The following LCLAT1 variants were observed in gnomAD, a reference collection of about 807,000 sequenced individuals.
LCLAT1 encodes 1-AGP acyltransferase 8.
A neutral mutation model predicts 30.7 loss-of-function variants in LCLAT1; 11 were observed. The ratio of observed to expected loss-of-function variants is 0.36; its 90% CI spans 0.23 to 0.59. The LOEUF (loss-of-function observed/expected upper bound fraction) is 0.59. Among genes scored for constraint, LCLAT1 ranks in the 20% least tolerant of loss-of-function variants. The probability of loss-of-function intolerance (pLI) is 0.77; values close to 1 mark genes in which losing one functional copy is unlikely to be tolerated. For synonymous variants in LCLAT1, 155 were observed against 151.3 expected, an observed-to-expected ratio of 1.02 and a Z score of -0.18; for missense variants, 402 against 458.6, an observed-to-expected ratio of 0.88 and a Z score of 1.13.
At chr2:30,476,878 C>G (rs2148301524) in intron 1 of LCLAT1, among the ~76,000 whole-genome samples, 1 of 152,250 alleles carries the variant, frequency 6.6e-6, no homozygotes, top group East Asian at 1.9e-4. Context: ...GCTCAAATTA[C>G]TTTTGGATAC....
At chr2:30,536,907 T>G (rs1333044982) in intron 3 of LCLAT1, among the ~76,000 whole-genome samples, 1 of 152,176 alleles carries the variant, frequency 6.6e-6, no homozygotes, top group Non-Finnish European at 1.5e-5. Context: ...ATTTAAAAAA[T>G]ATAGACTGGC....
intron 5 of LCLAT1, among the ~76,000 whole-genome samples, chr2:30,623,805 A>T (rs1035797745): frequency 5.3e-5 from 8 of 152,244 alleles, no homozygotes; most frequent in Admixed American, 5.2e-4. Context: ...CTAGGCACAT[A>T]GTCATCAGGT....
intron 5 of LCLAT1, among the ~76,000 whole-genome samples, chr2:30,588,010 T>C (rs1666517692): frequency 6.6e-6 from 1 of 152,228 alleles, no homozygotes; most frequent in Non-Finnish European, 1.5e-5. Context: ...TCTCCCCAAA[T>C]GTCCAACAAT....
At chr2:30,622,500 C>CA (rs977833749) in intron 5 of LCLAT1, among the ~76,000 whole-genome samples, 7 of 152,154 alleles carry the variant, frequency 4.6e-5, no homozygotes, top group Non-Finnish European at 8.8e-5. Flanking sequence ...TCAGCCAACA[C>CA]AAAAAACAGC....
intron 1 of LCLAT1, among the ~76,000 whole-genome samples, chr2:30,519,381 C>T (rs1685359378): frequency 6.6e-6 from 1 of 152,166 alleles, no homozygotes. Flanking sequence ...CAAAGGCTCC[C>T]CTACCGAGGA....
intron 1 of LCLAT1, among the ~76,000 whole-genome samples, chr2:30,464,110 C>T (rs1203084356): frequency 1.3e-5 from 2 of 152,086 alleles, no homozygotes; most frequent in South Asian, 2.1e-4. Flanking sequence ...TTTTCCTATG[C>T]CCTCACTTTG....
intron 5 of LCLAT1, among the ~76,000 whole-genome samples, chr2:30,580,831 G>A (rs1051540585): frequency 2.6e-5 from 4 of 152,128 alleles, no homozygotes; most frequent in African/African-American, 9.7e-5. Flanking sequence ...TGAGTAAATC[G>A]TTCCCTTCTT....
At chr2:30,623,341 A>C (rs1372277854) in intron 5 of LCLAT1, among the ~76,000 whole-genome samples, 1 of 152,164 alleles carries the variant, frequency 6.6e-6, no homozygotes, top group African/African-American at 2.4e-5. Flanking sequence ...GGCATGAGCC[A>C]CCACACCTGG....
intron 1 of LCLAT1, among the ~76,000 whole-genome samples, chr2:30,514,858 A>G (rs1427164182): frequency 1.3e-5 from 2 of 152,154 alleles, no homozygotes; most frequent in Non-Finnish European, 2.9e-5. Flanking sequence ...ATGTTTATAT[A>G]CATTTCACTT....
chr2:30,560,222 C>T (rs1665131187), intron 3 of LCLAT1, among the ~76,000 whole-genome samples: 1 of 150,066 alleles, frequency 6.7e-6, no homozygotes, highest in Admixed American at 6.7e-5. Flanking sequence ...TTTGTATATG[C>T]TTATTTATAT....
At chr2:30,636,034 G>T (rs1399267921) in intron 5 of LCLAT1, among the ~76,000 whole-genome samples, 1 of 152,156 alleles carries the variant, frequency 6.6e-6, no homozygotes, top group Non-Finnish European at 1.5e-5. Flanking sequence ...GGTTATCAGT[G>T]TACGTGCTTT....
intron 5 of LCLAT1, among the ~76,000 whole-genome samples, chr2:30,583,819 G>C (rs920868254): frequency 3.3e-5 from 5 of 152,104 alleles, no homozygotes; most frequent in African/African-American, 1.2e-4. Context: ...AGCCACTCAG[G>C]ATTTTAAATT....
chr2:30,467,851 A>T (rs1682528656), intron 1 of LCLAT1, among the ~76,000 whole-genome samples: 1 of 152,176 alleles, frequency 6.6e-6, no homozygotes, highest in Admixed American at 6.5e-5. Flanking sequence ...CCTTTGTCAG[A>T]TGAGTAGATG....
At position 30,615,589 on chromosome 2, in the gene LCLAT1, C is replaced by T. The variant is rs1315628188; in HGVS notation, c.629-24528C>T. Among the ~76,000 whole-genome samples, 4 of 152,000 alleles carry T rather than the reference C, an allele frequency of 2.6e-5. No individual in the cohort carries two copies. In the South Asian group the frequency reaches 8.3e-4, roughly 32 times the overall value. On this transcript the variant is annotated intron_variant, in intron 5 of 5. Transcript: ENST00000379509. ...ACTCCCACTAGCCTTCATTCCCTGC[C>T]GAAAAACTTAAATACTTCCACCAAA...
intron 5 of LCLAT1, among the ~76,000 whole-genome samples, chr2:30,630,651 A>G (rs574129984): frequency 9.8e-5 from 15 of 152,310 alleles, no homozygotes; most frequent in South Asian, 2.1e-4. Context: ...ACTTTTTTCA[A>G]ATAATCTTGA....
chr2:30,563,142 C>G (rs933351937), intron 4 of LCLAT1, among the ~76,000 whole-genome samples: 13 of 151,956 alleles, frequency 8.6e-5, no homozygotes, highest in African/African-American at 3.1e-4. Context: ...CTCCTGGGCT[C>G]AAGCTTATAG....
At chr2:30,531,524 C>G (rs796801854) in intron 2 of LCLAT1, among the ~76,000 whole-genome samples, 16 of 152,202 alleles carry the variant, frequency 1.1e-4, no homozygotes, top group African/African-American at 3.1e-4. Context: ...TTTTTATTGA[C>G]CTCTTGGAGG....
At chr2:30,564,741 C>T (rs972580800) in intron 4 of LCLAT1, among the ~76,000 whole-genome samples, 6 of 152,196 alleles carry the variant, frequency 3.9e-5, no homozygotes, top group Non-Finnish European at 7.3e-5. Context: ...TGTTTAGTTA[C>T]TACCATACTT....
chr2:30,448,078 T>C (rs1489163134), intron 1 of LCLAT1, among the ~76,000 whole-genome samples: 1 of 152,284 alleles, frequency 6.6e-6, no homozygotes, highest in Non-Finnish European at 1.5e-5. Context: ...TTTTGCTTTC[T>C]TGTACTTCCC....
Sources: allele counts gnomAD v4.1 joint callset (sites outside exome capture counted in the v4.1 genomes callset), GRCh38; gene constraint gnomAD v4.1.1; transcripts MANE v1.5; gene names NCBI Gene and HGNC (gene_info 2026-07-23, HGNC 2026-07-21).